PCDHA13: variants seen among roughly 807,000 people sequenced by gnomAD.
PCDHA13 encodes protocadherin alpha 13.
A neutral mutation model predicts 64.8 loss-of-function variants in PCDHA13; 54 were observed. The ratio of observed to expected loss-of-function variants is 0.83; its 90% CI spans 0.67 to 1.04. PCDHA13 has a LOEUF of 1.04. PCDHA13 is among the 50% of genes least tolerant of loss of function. PCDHA13 has a pLI of 0.00. For missense variants in PCDHA13, 1,248 were observed against 1,254.3 expected, an observed-to-expected ratio of 0.99 and a Z score of 0.08; for synonymous variants, 587 against 564.4, an observed-to-expected ratio of 1.04 and a Z score of -0.57.
At position 140,949,239 on chromosome 5, in the gene PCDHA13, C is replaced by T. The variant is rs563720988; in HGVS notation, c.2395-29710C>T. 4.0e-5 allele frequency among the ~76,000 whole-genome samples: 6 copies of T among 151,886 alleles called. No individual in the cohort carries two copies. The East Asian group carries it at 1.2e-3, about 29-fold the overall frequency. On this transcript the variant is annotated intron_variant, in intron 1 of 3. Transcript: ENST00000289272. ...TTAGACTTGTTCTGTGGCCCAGCAA[C>T]AGTCTATCTTGATGAACATATCACG...
In PCDHA13 at chr5:140,966,446, C is replaced by T. The variant is rs2096003680; in HGVS notation, c.2395-12503C>T. Reference sequence around the variant, plus strand: ...CTGAGCCCTCCTACCGCTCCCTTTCCCCCTCCCCCTCTGTCTTCCCTTCTG... The same window carrying T: ...CTGAGCCCTCCTACCGCTCCCTTTCTCCCTCCCCCTCTGTCTTCCCTTCTG... On this transcript the variant is annotated intron_variant, in intron 1 of 3. Transcript: ENST00000289272. 7 of 424,490 alleles carry T rather than the reference C, an allele frequency of 1.6e-5. No homozygotes were observed. The East Asian group carries it at 2.5e-4, about 15-fold the overall frequency. 26.3% of individuals were successfully genotyped at this position (424,490 alleles called of 1,614,324 possible).
rs2098416892 is a variant in PCDHA13, at chr5:141,010,305, G to A, written c.*368G>A. ...TGACACTTGCAGGGCAGGCTGAAAA[G>A]TTTTGAGATTGAGCAGCTTGGGAGT... is the stretch of plus-strand genomic sequence containing the variant. On this transcript the variant is annotated 3_prime_UTR_variant, in exon 4 of 4. Coordinates refer to ENST00000289272, the MANE Select transcript of PCDHA13 (RefSeq NM_018904.3). 1 of 1,548,478 alleles carries A rather than the reference G, an allele frequency of 6.5e-7. No individual in the cohort carries two copies. The highest frequency in any genetic ancestry group is 2.4e-5 in the East Asian group (1 of 40,890).
At chr5:140,928,282 C>G in intron 1 of PCDHA13, 1 of 1,614,166 alleles carries the variant, frequency 6.2e-7, no homozygotes, top group Non-Finnish European at 8.5e-7. Flanking sequence ...TGGGGCCTCT[C>G]TAGGCCGAGT....
intron 1 of PCDHA13, chr5:140,969,317 G>A (rs1554231675): frequency 6.2e-7 from 1 of 1,614,156 alleles, no homozygotes; most frequent in East Asian, 2.2e-5. Context: ...AAATGAGGCT[G>A]TTTCTCAAAA....
chr5:140,972,406 A>T (rs75214457), intron 1 of PCDHA13, among the ~76,000 whole-genome samples: 3,555 of 151,374 alleles, frequency 0.023, 73 homozygotes, highest in Middle Eastern at 0.055. Flanking sequence ...CTATTGGCAA[A>T]CCCTGTTAAG....
At chr5:140,910,699 C>T (rs2075133738) in intron 1 of PCDHA13, among the ~76,000 whole-genome samples, 1 of 152,180 alleles carries the variant, frequency 6.6e-6, no homozygotes. Flanking sequence ...AGCTTGCTCA[C>T]AGTGGGCCAT....
In PCDHA13 at chr5:140,883,550, C is replaced by A; in HGVS notation, c.1282C>A (p.Arg428=). 6.2e-7 allele frequency: 1 copy of A among 1,614,188 alleles called. No homozygotes were observed. Among genetic ancestry groups the A allele is most frequent in the Non-Finnish European group, 8.5e-7 (1 of 1,180,034 alleles). ...VSAYELVVTA[R]DGGSPSLWAT... ...AGCCTATGAACTGGTGGTGACCGCG[C>A]GGGACGGGGGCTCGCCTTCGCTGTG... Residue 428 remains arginine, a synonymous_variant, in exon 1 of 4, where the codon CGG becomes AGG. Transcript: ENST00000289272.
rs148144382 is a variant in PCDHA13 at position 140,914,978 on chromosome 5, G to C, written c.2394+30316G>C. On this transcript the variant is annotated intron_variant, in intron 1 of 3. Coordinates refer to ENST00000289272, the MANE Select transcript of PCDHA13 (RefSeq NM_018904.3). ...TTTTTTTTTTCTGAGTCAGAGTCTT[G>C]CTCTGCTACCAGGCTGGAGTGCAGT... Among the ~76,000 whole-genome samples the C allele has an allele frequency of 8.9e-3, 1,161 of 130,768 alleles. 6 individuals are homozygous for C. Among genetic ancestry groups the C allele is most frequent in the African/African-American group, 0.022 (758 of 34,950 alleles). 85.8% of individuals were successfully genotyped at this position (130,768 alleles called of 152,430 possible).
chr5:140,902,209 T>C (rs1583451921), intron 1 of PCDHA13, among the ~76,000 whole-genome samples: 2 of 150,148 alleles, frequency 1.3e-5, no homozygotes, highest in African/African-American at 4.9e-5. Context: ...CTTTCTTTTT[T>C]TTTTTTTTTT....
At chr5:140,941,194 TCTTTCTTCC>T (rs781813612) in intron 1 of PCDHA13, among the ~76,000 whole-genome samples, 93 of 112,424 alleles carry the variant, frequency 8.3e-4, no homozygotes, top group South Asian at 2.2e-3. Flanking sequence ...TCTTTTTTTT[TCTTTCTTCC>T]TTTCTTTCTT....
At chr5:140,889,332 G>T (rs1387530088) in intron 1 of PCDHA13, among the ~76,000 whole-genome samples, 1 of 151,982 alleles carries the variant, frequency 6.6e-6, no homozygotes, top group African/African-American at 2.4e-5. Flanking sequence ...TCAGGATTTT[G>T]ATTGGTGGGA....
At chr5:140,926,583 G>C in intron 1 of PCDHA13, 1 of 279,462 alleles carries the variant, frequency 3.6e-6, no homozygotes, top group Non-Finnish European at 6.6e-6. Context: ...AGCACCTCTC[G>C]CGCCCGGGCG....
At chr5:140,939,281 G>C (rs1554212652) in intron 1 of PCDHA13, among the ~76,000 whole-genome samples, 1 of 152,014 alleles carries the variant, frequency 6.6e-6, no homozygotes. Context: ...CTGTGCCCTC[G>C]TGATCTAATC....
intron 1 of PCDHA13, chr5:140,968,123 C>T (rs782499744): frequency 1.1e-5 from 17 of 1,614,058 alleles, no homozygotes; most frequent in Admixed American, 3.3e-5. Context: ...CACATCCCTG[C>T]GTACACTGAA....
chr5:140,974,126 T>C (rs1554235851), intron 1 of PCDHA13, among the ~76,000 whole-genome samples: 1 of 152,242 alleles, frequency 6.6e-6, no homozygotes, highest in Non-Finnish European at 1.5e-5. Flanking sequence ...GTGTTTTAAA[T>C]CTGCTAACCT....
At chr5:140,898,797 C>T (rs1210404780) in intron 1 of PCDHA13, among the ~76,000 whole-genome samples, 7 of 152,160 alleles carry the variant, frequency 4.6e-5, no homozygotes, top group East Asian at 1.9e-4. Context: ...GCCATTTTCA[C>T]GATACTGATT....
chr5:140,967,769 G>A (rs1213232834), intron 1 of PCDHA13: 1 of 1,614,104 alleles, frequency 6.2e-7, no homozygotes, highest in Non-Finnish European at 8.5e-7. Flanking sequence ...CCAGATCTAT[G>A]TGCAGGCGAC....
intron 1 of PCDHA13, chr5:140,967,795 G>A (rs1399903836): frequency 3.1e-6 from 5 of 1,614,068 alleles, no homozygotes; most frequent in Non-Finnish European, 1.7e-6. Context: ...GGGGTCCAGT[G>A]CCCATGGCAG....
Position 140,883,115 on chromosome 5 carries a change from AGGCCTGTAT to A in PCDHA13, c.854_862del (p.Val285_Pro287del), listed in dbSNP as rs2059447979. The A allele has an allele frequency of 1.9e-6, 3 of 1,613,978 alleles. No homozygotes were observed. The South Asian group carries it at 3.3e-5, about 18-fold the overall frequency. ...TGGAGATATAGTTTACTCATTTAGA[AGGCCTGTAT>A]GGCCTGCAGTGGTATATGCATTTAC... On this transcript the variant is annotated inframe_deletion, in exon 1 of 4. Transcript: ENST00000289272.
Sources: allele counts gnomAD v4.1 joint callset (sites outside exome capture counted in the v4.1 genomes callset), GRCh38; gene constraint gnomAD v4.1.1; transcripts MANE v1.5; gene names NCBI Gene and HGNC (gene_info 2026-07-23, HGNC 2026-07-21).